The following NRG1 variants were observed in gnomAD, a reference collection of about 807,000 sequenced individuals.
The protein encoded by NRG1 is neuregulin 1, also known as pro-neuregulin-1, membrane-bound isoform.
NRG1 carries 18 observed loss-of-function variants against 63.8 expected under a neutral mutation model. That is an observed-to-expected ratio of 0.28 (90% CI 0.19 to 0.42). NRG1 has a LOEUF of 0.42. NRG1 is among the 10% of genes least tolerant of loss of function. NRG1 has a pLI of 1.00. For synonymous variants in NRG1, 302 were observed against 301.3 expected, an observed-to-expected ratio of 1.00 and a Z score of -0.02; for missense variants, 762 against 814.7, an observed-to-expected ratio of 0.94 and a Z score of 0.79.
chr8:32,555,380 G>A (rs1181389319), intron 1 of NRG1, among the ~76,000 whole-genome samples: 2 of 152,122 alleles, frequency 1.3e-5, no homozygotes, highest in African/African-American at 4.8e-5. Flanking sequence ...TCAACCCAGG[G>A]GCAACAAATG....
At chr8:31,880,410 C>T (rs908502861) in intron 1 of NRG1, among the ~76,000 whole-genome samples, 12 of 152,034 alleles carry the variant, frequency 7.9e-5, no homozygotes, top group Non-Finnish European at 1.5e-4. Context: ...ATTATATTTC[C>T]GCTTACCAGC....
At chr8:31,647,793 A>C (rs1028237093) in intron 1 of NRG1, among the ~76,000 whole-genome samples, 6 of 152,172 alleles carry the variant, frequency 3.9e-5, no homozygotes, top group Non-Finnish European at 7.4e-5. Flanking sequence ...GAGATGGGTC[A>C]CATCTTGTCC....
At chr8:31,681,281 G>A (rs2131062995) in intron 1 of NRG1, among the ~76,000 whole-genome samples, 1 of 152,124 alleles carries the variant, frequency 6.6e-6, no homozygotes, top group Non-Finnish European at 1.5e-5. Flanking sequence ...GAACCATATG[G>A]GAAAAGATTT....
At chr8:31,869,440 C>A (rs1179197261) in intron 1 of NRG1, among the ~76,000 whole-genome samples, 1 of 152,334 alleles carries the variant, frequency 6.6e-6, no homozygotes, top group Non-Finnish European at 1.5e-5. Context: ...AATTTCCCCA[C>A]TAGCATGCCA....
At chr8:32,762,323 A>C (rs1830866287) in intron 11 of NRG1, among the ~76,000 whole-genome samples, 1 of 152,218 alleles carries the variant, frequency 6.6e-6, no homozygotes, top group South Asian at 2.1e-4. Context: ...CATCACTACA[A>C]GTGATATTTA....
chr8:32,740,345 G>A (rs1028788670), intron 6 of NRG1, among the ~76,000 whole-genome samples: 7 of 151,710 alleles, frequency 4.6e-5, no homozygotes, highest in African/African-American at 7.3e-5. Flanking sequence ...ACAGGCGCCC[G>A]CCACCACACC....
rs932903875 is a variant in NRG1 at position 32,364,075 on chromosome 8, C to CTT, written c.38-231730_38-231729dup. ...ACACTTTGGCGTACTTCTGACTAGTCTTTTTTTTTTTTTTTTTTTTTTTTG... is the reference window on the plus strand; with the variant it reads ...ACACTTTGGCGTACTTCTGACTAGTCTTTTTTTTTTTTTTTTTTTTTTTTTTG... On this transcript the variant is annotated intron_variant, in intron 1 of 10. Coordinates refer to the NRG1 transcript ENST00000519301. Among the ~76,000 whole-genome samples, 604 of 65,496 alleles carry CTT rather than the reference C, an allele frequency of 9.2e-3. 10 individuals are homozygous for CTT. The highest frequency in any genetic ancestry group is 0.014 in the African/African-American group (225 of 16,054). 43.0% of individuals were successfully genotyped at this position (65,496 alleles called of 152,430 possible).
At chr8:32,653,746 G>A (rs925741879) in intron 5 of NRG1, among the ~76,000 whole-genome samples, 2 of 152,172 alleles carry the variant, frequency 1.3e-5, no homozygotes, top group Non-Finnish European at 2.9e-5. Flanking sequence ...ATAACATCAA[G>A]AGTATTAAAA....
chr8:31,835,883 C>T (rs1176303473), intron 1 of NRG1, among the ~76,000 whole-genome samples: 2 of 152,162 alleles, frequency 1.3e-5, no homozygotes, highest in East Asian at 1.9e-4. Flanking sequence ...GTACTGTTCA[C>T]TAAGGTAGCA....
intron 1 of NRG1, among the ~76,000 whole-genome samples, chr8:32,229,558 A>G (rs1846687083): frequency 6.6e-6 from 1 of 152,162 alleles, no homozygotes; most frequent in Non-Finnish European, 1.5e-5. Context: ...TGGCTGTAAC[A>G]GACACCCTCT....
At chr8:32,233,565 T>TATATATA (rs1563934722) in intron 1 of NRG1, among the ~76,000 whole-genome samples, 74 of 19,564 alleles carry the variant, frequency 3.8e-3, no homozygotes, top group South Asian at 0.021. Context: ...ATATATATAT[T>TATATATA]TTTTTTTTTT....
chr8:32,528,855 G>A (rs1831155015), intron 1 of NRG1, among the ~76,000 whole-genome samples: 1 of 152,142 alleles, frequency 6.6e-6, no homozygotes, highest in Admixed American at 6.5e-5. Context: ...GTGGAGAATT[G>A]CATGACTATT....
At chr8:31,652,954 TCTCTCCTCTCCTCTCCTCTCCTCTC>T (rs149262363) in intron 1 of NRG1, among the ~76,000 whole-genome samples, 6,887 of 22,398 alleles carry the variant, frequency 0.31, 1,349 homozygotes, top group Non-Finnish European at 0.35. Context: ...CTTCCTCTCT[TCTCTCCTCTCCTCTCCTCTCCTCTC>T]CTCTCCTCTC....
chr8:32,466,371 C>CAA lies in NRG1; in HGVS notation c.38-129442_38-129441dup, dbSNP rs35722571. Among the ~76,000 whole-genome samples, 135 of 125,124 alleles carry CAA rather than the reference C, an allele frequency of 1.1e-3. 2 individuals carry two copies. The highest frequency in any genetic ancestry group is 2.9e-3 in the African/African-American group (97 of 33,776). The allele number at this position is 125,124 out of a possible 152,430, so 82.1% of individuals were successfully genotyped here. Reference sequence around the variant, plus strand: ...ATGACAATAAATATTACCTTGACATCAAAAAAAAAAAAAAAATCCAGTGCC... The same window carrying CAA: ...ATGACAATAAATATTACCTTGACATCAAAAAAAAAAAAAAAAAATCCAGTGCC... On this transcript the variant is annotated intron_variant, in intron 1 of 10. Transcript: ENST00000519301.
chr8:31,839,780 T>C (rs895745729), intron 1 of NRG1, among the ~76,000 whole-genome samples: 1 of 152,190 alleles, frequency 6.6e-6, no homozygotes, highest in Non-Finnish European at 1.5e-5. Flanking sequence ...TTTCAGCGTC[T>C]TAGCTCTGCC....
At chr8:32,379,564 A>G (rs1810077930) in intron 1 of NRG1, among the ~76,000 whole-genome samples, 1 of 152,252 alleles carries the variant, frequency 6.6e-6, no homozygotes, top group Non-Finnish European at 1.5e-5. Context: ...GATTGATATA[A>G]CAAATTATGA....
intron 1 of NRG1, among the ~76,000 whole-genome samples, chr8:32,281,658 C>T (rs1852867071): frequency 6.6e-6 from 1 of 152,076 alleles, no homozygotes; most frequent in Non-Finnish European, 1.5e-5. Context: ...CATGGCCCCT[C>T]CAGCTGCATC....
intron 1 of NRG1, among the ~76,000 whole-genome samples, chr8:32,016,196 A>C (rs2130080064): frequency 6.6e-6 from 1 of 152,162 alleles, no homozygotes; most frequent in South Asian, 2.1e-4. Flanking sequence ...ATTTAGGAAA[A>C]AGATATATAT....
chr8:32,708,181 T>C (rs1020269241), intron 5 of NRG1, among the ~76,000 whole-genome samples: 2 of 152,182 alleles, frequency 1.3e-5, no homozygotes, highest in African/African-American at 4.8e-5. Context: ...AATGTTCTTA[T>C]ATCTGCTTCT....
Sources: gnomAD v4.1 joint callset for allele counts (sites outside exome capture counted in the v4.1 genomes callset) on GRCh38, gnomAD v4.1.1 for gene constraint, MANE v1.5 for transcripts, NCBI Gene and HGNC (gene_info 2026-07-23, HGNC 2026-07-21) for gene names.